PTPRG: variants seen among roughly 807,000 people sequenced by gnomAD.
The protein encoded by PTPRG is protein tyrosine phosphatase receptor type G.
PTPRG carries 102 observed loss-of-function variants against 165.3 expected under a neutral mutation model. That is an observed-to-expected ratio of 0.62 (90% CI 0.53 to 0.73). The LOEUF (loss-of-function observed/expected upper bound fraction) is 0.73. Ranked by LOEUF, PTPRG falls within the 30% of genes least tolerant of loss-of-function variation. The pLI, the probability that PTPRG is intolerant of heterozygous loss-of-function variation, is 0.00. For missense variants in PTPRG, 1,866 were observed against 1,861.4 expected (o/e 1.00, Z -0.05); for synonymous variants, 675 against 669.5 (o/e 1.01, Z -0.13).
chr3:61,725,289 G>A (rs933214370), intron 1 of PTPRG, among the ~76,000 whole-genome samples: 4 of 151,984 alleles, frequency 2.6e-5, no homozygotes, highest in Admixed American at 6.6e-5. Flanking sequence ...GCTAATTTTT[G>A]TATTTTTAGT....
chr3:61,803,479 T>TCATGTTGTC (rs573112258), intron 2 of PTPRG, among the ~76,000 whole-genome samples: 39 of 127,294 alleles, frequency 3.1e-4, no homozygotes, highest in Non-Finnish European at 4.7e-4. Context: ...ACAACATGGT[T>TCATGTTGTC]CATGTTGTCC....
At chr3:61,916,364 T>C (rs1422640061) in intron 2 of PTPRG, among the ~76,000 whole-genome samples, 1 of 152,218 alleles carries the variant, frequency 6.6e-6, no homozygotes, top group East Asian at 1.9e-4. Context: ...ATCATAGTTA[T>C]AAATTGATTT....
intron 1 of PTPRG, among the ~76,000 whole-genome samples, chr3:61,723,681 C>G (rs1164850693): frequency 6.6e-6 from 1 of 151,972 alleles, no homozygotes; most frequent in Non-Finnish European, 1.5e-5. Flanking sequence ...TTTGTTTTCT[C>G]TAGTGGTTCC....
At chr3:61,961,043 T>C (rs1361475222) in intron 2 of PTPRG, among the ~76,000 whole-genome samples, 2 of 152,168 alleles carry the variant, frequency 1.3e-5, no homozygotes, top group East Asian at 3.9e-4. Context: ...ATTATGATGA[T>C]ATGTGTTCTT....
At chr3:61,674,612 G>A (rs1265542754) in intron 1 of PTPRG, among the ~76,000 whole-genome samples, 1 of 151,214 alleles carries the variant, frequency 6.6e-6, no homozygotes, top group Non-Finnish European at 1.5e-5. Flanking sequence ...GCTGACTTCT[G>A]TTTGGTTTAG....
intron 1 of PTPRG, among the ~76,000 whole-genome samples, chr3:61,577,200 G>A (rs986171780): frequency 2.6e-5 from 4 of 152,238 alleles, no homozygotes; most frequent in African/African-American, 4.8e-5. Flanking sequence ...TGAAGAGTAG[G>A]CATGAAAGGT....
chr3:61,607,864 C>T (rs537993883), intron 1 of PTPRG, among the ~76,000 whole-genome samples: 3 of 152,192 alleles, frequency 2.0e-5, no homozygotes, highest in Non-Finnish European at 2.9e-5. Flanking sequence ...GAGAACTGGA[C>T]GCGACTTGCC....
intron 4 of PTPRG, among the ~76,000 whole-genome samples, chr3:62,058,705 G>A (rs1700711408): frequency 2.6e-5 from 4 of 152,126 alleles, no homozygotes; most frequent in Admixed American, 2.6e-4. Context: ...GTAGGCAGTA[G>A]GGACCAGGTT....
In PTPRG at chr3:61,956,662, G is replaced by T. The variant is rs543472030; in HGVS notation, c.191-32963G>T. On this transcript the variant is annotated intron_variant, in intron 2 of 29. Coordinates refer to ENST00000474889, the MANE Select transcript of PTPRG (RefSeq NM_002841.4). The stretch of plus-strand genomic sequence containing the variant: ...AAGGAAAATGAAGCAGGGCAAATGG[G>T]ACTATTACTGATATATTAAAATGAA... 6.6e-5 allele frequency among the ~76,000 whole-genome samples: 10 copies of T among 152,234 alleles called. No homozygotes were observed. In the East Asian group the frequency reaches 1.9e-3, roughly 29 times the overall value.
chr3:62,234,954 C>T (rs1168077665), intron 14 of PTPRG, among the ~76,000 whole-genome samples: 2 of 149,372 alleles, frequency 1.3e-5, no homozygotes, highest in Non-Finnish European at 3.0e-5. Context: ...CCGAGATGGT[C>T]TCAAGTATTT....
At chr3:61,965,187 T>C (rs1262311827) in intron 2 of PTPRG, among the ~76,000 whole-genome samples, 1 of 150,338 alleles carries the variant, frequency 6.7e-6, no homozygotes, top group Admixed American at 6.7e-5. Context: ...GAGGTTACAT[T>C]GAGCCGAGAT....
chr3:61,674,900 A>G (rs1405585152), intron 1 of PTPRG, among the ~76,000 whole-genome samples: 3 of 152,178 alleles, frequency 2.0e-5, no homozygotes, highest in Non-Finnish European at 4.4e-5. Context: ...GCATTTAAAA[A>G]CAGCTGGGTG....
At chr3:61,968,712 C>T (rs2040325122) in intron 2 of PTPRG, among the ~76,000 whole-genome samples, 2 of 152,096 alleles carry the variant, frequency 1.3e-5, no homozygotes, top group East Asian at 3.9e-4. Flanking sequence ...CATTTAAGCC[C>T]TCTCAACTTT....
chr3:61,874,885 G>T (rs1005266942), intron 2 of PTPRG, among the ~76,000 whole-genome samples: 1 of 152,196 alleles, frequency 6.6e-6, no homozygotes, highest in Non-Finnish European at 1.5e-5. Flanking sequence ...TTGCTCCAGC[G>T]TTGAGTAAAT....
intron 8 of PTPRG, among the ~76,000 whole-genome samples, chr3:62,178,212 AGGAT>A (rs1356757939): frequency 1.3e-5 from 2 of 151,206 alleles, no homozygotes; most frequent in African/African-American, 4.9e-5. Flanking sequence ...GATGGATGGG[AGGAT>A]GGATGGATGC....
At chr3:62,280,248 T>C (rs2148886395) in intron 26 of PTPRG, among the ~76,000 whole-genome samples, 1 of 152,094 alleles carries the variant, frequency 6.6e-6, no homozygotes, top group Non-Finnish European at 1.5e-5. Context: ...TTACCATTTA[T>C]TAGCAGAGTG....
intron 17 of PTPRG, 113 bp from the exon 18 acceptor site, chr3:62,267,297 C>T (rs1179007078): frequency 2.5e-6 from 2 of 796,266 alleles, no homozygotes; most frequent in Admixed American, 2.7e-5. Context: ...AAAGTTTTCT[C>T]AGACTACCTT....
At chr3:61,853,223 G>T (rs1034013260) in intron 2 of PTPRG, among the ~76,000 whole-genome samples, 7 of 152,220 alleles carry the variant, frequency 4.6e-5, no homozygotes, top group Non-Finnish European at 4.4e-5. Context: ...GAGAAGGTGT[G>T]TGCGAGGTTC....
chr3:62,269,108 C>G lies in PTPRG; in HGVS notation c.2948C>G (p.Thr983Arg), dbSNP rs1428408763. The G allele has an allele frequency of 6.2e-7, 1 of 1,608,546 alleles. No homozygotes were observed. The highest frequency in any genetic ancestry group is 1.7e-5 in the Admixed American group (1 of 59,902). The change falls in exon 20 of 30, where the codon ACA becomes AGA. Residue 983 changes from threonine (T) to arginine (R), a missense_variant. By Grantham distance (71) the Thr-to-Arg change is moderately conservative (BLOSUM62 -1). Transcript: ENST00000474889. ...AACATTATTGTCACGCTGAAGAGCACAAAAATACATGCCTGCTACACTGTT... is the reference window on the plus strand; with the variant it reads ...AACATTATTGTCACGCTGAAGAGCAGAAAAATACATGCCTGCTACACTGTT... ...YGNIIVTLKS[T>R]KIHACYTVRR...
Sources: gnomAD v4.1 joint callset for allele counts (sites outside exome capture counted in the v4.1 genomes callset) on GRCh38, gnomAD v4.1.1 for gene constraint, MANE v1.5 for transcripts, NCBI Gene and HGNC (gene_info 2026-07-23, HGNC 2026-07-21) for gene names.